The following SPAG16 variants were observed in gnomAD, a reference collection of about 807,000 sequenced individuals.
SPAG16 encodes sperm associated antigen 16.
SPAG16 carries 86 observed loss-of-function variants against 80.4 expected under a neutral mutation model. The ratio of observed to expected loss-of-function variants is 1.07; its 90% CI spans 0.90 to 1.28. SPAG16 has a LOEUF of 1.28. Among genes scored for constraint, SPAG16 ranks in the 50% most tolerant of loss-of-function variants. The pLI is 0.00. For missense variants in SPAG16, 870 were observed against 765.3 expected (o/e 1.14, Z -1.61); for synonymous variants, 294 against 265.9 (o/e 1.11, Z -1.03).
At chr2:213,538,788 CA>C (rs1387260622) in intron 10 of SPAG16, among the ~76,000 whole-genome samples, 1 of 151,498 alleles carries the variant, frequency 6.6e-6, no homozygotes, top group Non-Finnish European at 1.5e-5. Flanking sequence ...TTGTATTAAC[CA>C]AAAAAGTATG....
At chr2:213,658,160 C>T (rs1047393205) in intron 10 of SPAG16, among the ~76,000 whole-genome samples, 2 of 152,068 alleles carry the variant, frequency 1.3e-5, no homozygotes, top group African/African-American at 4.8e-5. Flanking sequence ...TGCCTTTTCT[C>T]CTTCCTCTGA....
At chr2:213,813,974 G>C (rs986324591) in intron 10 of SPAG16, among the ~76,000 whole-genome samples, 9 of 152,132 alleles carry the variant, frequency 5.9e-5, no homozygotes, top group African/African-American at 2.2e-4. Flanking sequence ...GCAGTCACAA[G>C]CCTGAGACAC....
rs374509256 is a variant in SPAG16, at chr2:214,158,439, C to A, written c.1720+9173C>A. On this transcript the variant is annotated intron_variant, in intron 15 of 15. Transcript: ENST00000331683. ...CTCAGCAAGACTAAATTGTTATTCT[C>A]GCATACCTCACAACACGGTCTCTGT... Among the ~76,000 whole-genome samples, 3 of 152,026 alleles carry A rather than the reference C, an allele frequency of 2.0e-5. No homozygotes were observed. The South Asian group carries it at 6.2e-4, about 31-fold the overall frequency.
At chr2:213,889,513 T>A (rs954859775) in intron 11 of SPAG16, among the ~76,000 whole-genome samples, 19 of 151,464 alleles carry the variant, frequency 1.3e-4, no homozygotes, top group African/African-American at 4.6e-4. Flanking sequence ...ACTAAATATA[T>A]CTGTTCTTCT....
intron 10 of SPAG16, among the ~76,000 whole-genome samples, chr2:213,590,189 T>G (rs2060634513): frequency 6.6e-6 from 1 of 152,154 alleles, no homozygotes; most frequent in African/African-American, 2.4e-5. Flanking sequence ...ATTCTAACTG[T>G]TTTTACACGT....
At chr2:214,270,014 G>A (rs148674405) in intron 15 of SPAG16, among the ~76,000 whole-genome samples, 232 of 152,208 alleles carry the variant, frequency 1.5e-3, no homozygotes, top group African/African-American at 5.4e-3. Context: ...TTTTAGGTCC[G>A]TTATTATCAA....
At chr2:213,393,371 T>C (rs933001667) in intron 9 of SPAG16, among the ~76,000 whole-genome samples, 11 of 151,294 alleles carry the variant, frequency 7.3e-5, no homozygotes, top group South Asian at 6.2e-4. Context: ...ATCACATATA[T>C]TTGAATATAA....
rs969094509 is a variant in SPAG16 at position 214,339,567 on chromosome 2, C to G, written c.1721-70573C>G. 2.0e-5 allele frequency among the ~76,000 whole-genome samples: 3 copies of G among 152,150 alleles called. No individual in the cohort carries two copies. The East Asian group carries it at 5.8e-4, about 29-fold the overall frequency. On this transcript the variant is annotated intron_variant, in intron 15 of 15. Transcript: ENST00000331683. Reference sequence around the variant, plus strand: ...GTAAGGGAGCTTCTCAGGAGTAGAACGTCTCTATTTCAGCCAAACAAAGCT... The same window carrying G: ...GTAAGGGAGCTTCTCAGGAGTAGAAGGTCTCTATTTCAGCCAAACAAAGCT...
chr2:214,058,343 G>A (rs2050052397), intron 13 of SPAG16, among the ~76,000 whole-genome samples: 1 of 152,132 alleles, frequency 6.6e-6, no homozygotes, highest in Non-Finnish European at 1.5e-5. Flanking sequence ...TGAATAGAAA[G>A]TCCCAAGGAG....
At chr2:214,112,639 CTTT>C (rs56776022) in intron 14 of SPAG16, among the ~76,000 whole-genome samples, 1 of 112,802 alleles carries the variant, frequency 8.9e-6, no homozygotes, top group Non-Finnish European at 1.7e-5. Context: ...GCAACCCCTG[CTTT>C]TTTTTTTTTT....
intron 15 of SPAG16, among the ~76,000 whole-genome samples, chr2:214,152,962 C>T (rs1306202504): frequency 6.6e-6 from 1 of 152,104 alleles, no homozygotes; most frequent in Non-Finnish European, 1.5e-5. Flanking sequence ...TGAAGGCGGA[C>T]TAGGAGCTTG....
rs559770418 is a variant in SPAG16, at chr2:213,738,807, G to A, written c.1071-123678G>A. 3.3e-4 allele frequency among the ~76,000 whole-genome samples: 50 copies of A among 152,218 alleles called. No homozygotes were observed. The East Asian group carries it at 6.2e-3, about 19-fold the overall frequency. On this transcript the variant is annotated intron_variant, in intron 10 of 15. Transcript: ENST00000331683. ...TTGCACTTTTTAGGGGCTCCATTTGGGGAGATAGGGCTTTAAGACAGGTTC... is the reference window on the plus strand; with the variant it reads ...TTGCACTTTTTAGGGGCTCCATTTGAGGAGATAGGGCTTTAAGACAGGTTC...
intron 15 of SPAG16, among the ~76,000 whole-genome samples, chr2:214,176,915 ACGTATCTCCG>A (rs2057105309): frequency 6.6e-6 from 1 of 151,010 alleles, no homozygotes; most frequent in Admixed American, 6.6e-5. Context: ...GACTTTATTA[ACGTATCTCCG>A]GAGCCAGAAT....
At chr2:213,412,375 A>G (rs2069023252) in intron 9 of SPAG16, among the ~76,000 whole-genome samples, 1 of 152,206 alleles carries the variant, frequency 6.6e-6, no homozygotes, top group Non-Finnish European at 1.5e-5. Context: ...TGTGCTCACC[A>G]TTGTTCCATC....
intron 9 of SPAG16, among the ~76,000 whole-genome samples, chr2:213,399,177 A>G (rs1222866057): frequency 6.6e-6 from 1 of 152,040 alleles, no homozygotes; most frequent in East Asian, 1.9e-4. Flanking sequence ...AAGTGGTTAA[A>G]TAGTGGTGGT....
At chr2:214,319,293 A>G (rs1695931082) in intron 15 of SPAG16, among the ~76,000 whole-genome samples, 1 of 151,746 alleles carries the variant, frequency 6.6e-6, no homozygotes, top group African/African-American at 2.4e-5. Flanking sequence ...GTGCTAGGCC[A>G]AATTATTTGT....
intron 10 of SPAG16, among the ~76,000 whole-genome samples, chr2:213,661,576 T>C (rs1345232946): frequency 6.6e-6 from 1 of 152,176 alleles, no homozygotes; most frequent in Non-Finnish European, 1.5e-5. Context: ...GAAAGTGGGA[T>C]ATTTTGATTT....
chr2:213,387,431 C>CTTTTTTTTTTTTTTTTTTTTTTTTTTT (rs71060428), intron 9 of SPAG16, among the ~76,000 whole-genome samples: 1 of 47,916 alleles, frequency 2.1e-5, no homozygotes, highest in Non-Finnish European at 3.2e-5. Context: ...AATGCATGCT[C>CTTTTTTTTTTTTTTTTTTTTTTTTTTT]TTTTTTTTTT....
chr2:214,343,729 A>G (rs1282020619), intron 15 of SPAG16, among the ~76,000 whole-genome samples: 3 of 152,172 alleles, frequency 2.0e-5, no homozygotes, highest in Non-Finnish European at 4.4e-5. Context: ...CTACCCAAGA[A>G]TGTCTTCTGA....
Sources: gnomAD v4.1 joint callset for allele counts (sites outside exome capture counted in the v4.1 genomes callset) on GRCh38, gnomAD v4.1.1 for gene constraint, MANE v1.5 for transcripts, NCBI Gene and HGNC (gene_info 2026-07-23, HGNC 2026-07-21) for gene names.